Variants in IQSEC1 observed in about 807,000 individuals in gnomAD.
The protein encoded by IQSEC1 is IQ motif and Sec7 domain ArfGEF 1, also known as IQ motif and SEC7 domain-containing protein 1.
IQSEC1 carries 31 observed loss-of-function variants against 91.0 expected under a neutral mutation model. That is an observed-to-expected ratio of 0.34 (90% confidence interval 0.26 to 0.46). The LOEUF (loss-of-function observed/expected upper bound fraction) is 0.46, where lower values mean the gene tolerates loss of function less well. Among genes scored for constraint, IQSEC1 ranks in the 20% least tolerant of loss-of-function variants. IQSEC1 has a pLI of 1.00. For missense variants in IQSEC1, 1,388 were observed against 1,575.6 expected (o/e 0.88, Z 2.02); for synonymous variants, 699 against 662.6 (o/e 1.05, Z -0.84).
At chr3:13,015,238 C>T (rs575421478) in intron 1 of IQSEC1, among the ~76,000 whole-genome samples, 14 of 152,244 alleles carry the variant, frequency 9.2e-5, no homozygotes, top group African/African-American at 2.2e-4. Flanking sequence ...TTGTGAGGGC[C>T]GTAGGCAGCG....
intron 1 of IQSEC1, among the ~76,000 whole-genome samples, chr3:13,190,559 A>AAAAACAAAAC (rs1362848277): frequency 4.4e-4 from 66 of 150,894 alleles, no homozygotes; most frequent in African/African-American, 5.9e-4. Context: ...CTGTCTCAAA[A>AAAAACAAAAC]AAAAAAAACA....
At chr3:12,930,187 T>A (rs1005017268) in intron 3 of IQSEC1, among the ~76,000 whole-genome samples, 2 of 151,886 alleles carry the variant, frequency 1.3e-5, no homozygotes, top group African/African-American at 4.8e-5. Context: ...GGGTTCTCTC[T>A]CTCTCTTTTA....
chr3:13,217,243 T>C (rs1351753088), intron 1 of IQSEC1, among the ~76,000 whole-genome samples: 3 of 152,216 alleles, frequency 2.0e-5, no homozygotes, highest in Non-Finnish European at 4.4e-5. Context: ...CCCAATGAGA[T>C]CCCTCATGCA....
At chr3:13,120,073 C>T (rs1435985988) in intron 2 of IQSEC1, among the ~76,000 whole-genome samples, 8 of 152,238 alleles carry the variant, frequency 5.3e-5, no homozygotes, top group Admixed American at 5.2e-4. Context: ...AAGGCACTCA[C>T]CTGGCACAGG....
intron 2 of IQSEC1, among the ~76,000 whole-genome samples, chr3:13,130,066 C>T (rs889150361): frequency 1.3e-5 from 2 of 151,122 alleles, no homozygotes; most frequent in African/African-American, 4.9e-5. Context: ...TATTGTTTGG[C>T]TGGGTGCAGT....
upstream of IQSEC1, among the ~76,000 whole-genome samples, chr3:13,075,035 C>T (rs1463325555): frequency 6.6e-6 from 1 of 152,168 alleles, no homozygotes. Context: ...TGACGCTTCC[C>T]GATCTGCCCT....
intron 2 of IQSEC1, among the ~76,000 whole-genome samples, 196 bp from the exon 3 acceptor site, chr3:12,936,893 C>G (rs1353666184): frequency 6.6e-6 from 1 of 151,678 alleles, no homozygotes; most frequent in Non-Finnish European, 1.5e-5. Flanking sequence ...AGAGAAGCAC[C>G]AAGTTAAAAT....
intron 6 of IQSEC1, among the ~76,000 whole-genome samples, chr3:12,916,689 T>C (rs1167026001): frequency 6.6e-6 from 1 of 152,186 alleles, no homozygotes; most frequent in Non-Finnish European, 1.5e-5. Context: ...CCATGGGAAA[T>C]GAGACACATA....
At chr3:13,208,566 G>A (rs989389715) in intron 1 of IQSEC1, among the ~76,000 whole-genome samples, 6 of 152,112 alleles carry the variant, frequency 3.9e-5, no homozygotes, top group Admixed American at 6.5e-5. Flanking sequence ...CTTGGTCCCC[G>A]ATCCCAGCAT....
chr3:13,072,923 TCCAGCTC>T, intron 1 of IQSEC1, 62 bp downstream of exon 1: 1 of 1,415,950 alleles, frequency 7.1e-7, no homozygotes, highest in Non-Finnish European at 9.8e-7. Flanking sequence ...TGCCCCTCAC[TCCAGCTC>T]CCAGCTCAGC....
intron 1 of IQSEC1, among the ~76,000 whole-genome samples, chr3:13,180,321 T>C (rs540902478): frequency 9.2e-5 from 14 of 152,330 alleles, no homozygotes; most frequent in African/African-American, 3.1e-4. Flanking sequence ...AATGCACCAA[T>C]GGACACTCTG....
At chr3:12,961,346 C>A (rs1700230819) in intron 1 of IQSEC1, among the ~76,000 whole-genome samples, 1 of 152,244 alleles carries the variant, frequency 6.6e-6, no homozygotes, top group African/African-American at 2.4e-5. Context: ...CCATTCCTAT[C>A]TAAAGAAATC....
chr3:13,192,871 C>T (rs569292408), intron 1 of IQSEC1, among the ~76,000 whole-genome samples: 2 of 152,350 alleles, frequency 1.3e-5, no homozygotes, highest in East Asian at 3.9e-4. Flanking sequence ...TGCAGATTCA[C>T]CTTGAGGGGG....
intron 1 of IQSEC1, among the ~76,000 whole-genome samples, chr3:13,202,750 C>T (rs911734287): frequency 7.9e-5 from 12 of 152,206 alleles, no homozygotes; most frequent in East Asian, 3.9e-4. Flanking sequence ...ACCCCTGAAC[C>T]GTACACTCAA....
intron 8 of IQSEC1, among the ~76,000 whole-genome samples, chr3:12,914,528 G>A (rs532438763): frequency 2.0e-5 from 3 of 152,182 alleles, no homozygotes; most frequent in Non-Finnish European, 4.4e-5. Flanking sequence ...GGGAGGGTTC[G>A]GGGAGCACTG....
chr3:13,195,062 G>A (rs761238562), intron 1 of IQSEC1, among the ~76,000 whole-genome samples: 2 of 152,168 alleles, frequency 1.3e-5, no homozygotes, highest in African/African-American at 2.4e-5. Context: ...GATAAGGCAT[G>A]CTACTGACTG....
At chr3:13,243,242 G>C (rs998960484) in intron 1 of IQSEC1, among the ~76,000 whole-genome samples, 2 of 152,154 alleles carry the variant, frequency 1.3e-5, no homozygotes, top group East Asian at 3.9e-4. Context: ...GCACACCCTT[G>C]GGCAGGGGCT....
At chr3:13,199,930 G>A (rs1010870143) in intron 1 of IQSEC1, among the ~76,000 whole-genome samples, 17 of 134,822 alleles carry the variant, frequency 1.3e-4, no homozygotes, top group Non-Finnish European at 2.1e-4. Context: ...CACCACGCAC[G>A]TCACACACAC....
chr3:13,096,444 C>T (rs909272473), intron 2 of IQSEC1, among the ~76,000 whole-genome samples: 10 of 152,142 alleles, frequency 6.6e-5, no homozygotes, highest in African/African-American at 1.2e-4. Flanking sequence ...GTAGGGCACA[C>T]GCCCTTCCCA....
Sources: allele counts gnomAD v4.1 joint callset (sites outside exome capture counted in the v4.1 genomes callset), GRCh38; gene constraint gnomAD v4.1.1; transcripts MANE v1.5; gene names NCBI Gene and HGNC (gene_info 2026-07-23, HGNC 2026-07-21).